Variants in TYW3 observed in about 807,000 individuals in gnomAD.
TYW3 encodes the protein tRNA-yW synthesizing protein 3 homolog, also known as tRNA wybutosine-synthesizing protein 3 homolog.
A neutral mutation model predicts 23.1 loss-of-function variants in TYW3; 26 were observed. The ratio of observed to expected loss-of-function variants is 1.13; its 90% CI spans 0.83 to 1.56. The LOEUF (loss-of-function observed/expected upper bound fraction) is 1.56, where lower values mean the gene tolerates loss of function less well. TYW3 is among the 40% of genes most tolerant of loss of function. TYW3 has a pLI of 0.00. For missense variants in TYW3, 316 were observed against 311.9 expected (o/e 1.01, Z -0.10); for synonymous variants, 102 against 105.7 (o/e 0.97, Z 0.21).
Position 74,764,315 on chromosome 1 carries a change from G to A in TYW3, c.*202G>A, listed in dbSNP as rs1388349953. 9 of 453,590 alleles carry A rather than the reference G, an allele frequency of 2.0e-5. No homozygotes were observed. The highest frequency in any genetic ancestry group is 2.7e-5 in the Non-Finnish European group (7 of 258,188). The allele number at this position is 453,590 out of a possible 1,614,324, so 28.1% of individuals were successfully genotyped here. On this transcript the variant is annotated 3_prime_UTR_variant, in exon 6 of 6. Transcript: ENST00000370867. ...CTCAGCAGTACCCGGCTTATCCTAC[G>A]ACTTCACCTGAAATGCTATAGTTAT...
At chr1:74,758,824 C>T (rs1570080122) in intron 5 of TYW3, among the ~76,000 whole-genome samples, 1 of 152,160 alleles carries the variant, frequency 6.6e-6, no homozygotes, top group East Asian at 1.9e-4. Flanking sequence ...ACTCCCCCCA[C>T]CAGCCCCCAA....
At chr1:74,744,522 T>C (rs182745528) in intron 3 of TYW3, among the ~76,000 whole-genome samples, 3 of 152,162 alleles carry the variant, frequency 2.0e-5, no homozygotes, top group African/African-American at 7.2e-5. Context: ...GCCCCCAAAT[T>C]CTAAGGAAAA....
chr1:74,751,221 C>T (rs942809805), intron 4 of TYW3: 2 of 152,132 alleles, frequency 1.3e-5, no homozygotes, highest in Admixed American at 6.5e-5. Flanking sequence ...TTCTCTTCAA[C>T]ATTTTCTTGC....
intron 3 of TYW3, among the ~76,000 whole-genome samples, chr1:74,739,413 A>G (rs1648272002): frequency 6.6e-6 from 1 of 152,240 alleles, no homozygotes; most frequent in Admixed American, 6.5e-5. Context: ...CCGAAGGAAA[A>G]AACAACCTGG....
chr1:74,739,473 A>AAAG (rs1198701455), intron 3 of TYW3, among the ~76,000 whole-genome samples: 1 of 152,252 alleles, frequency 6.6e-6, no homozygotes. Context: ...GGCTTCTCTG[A>AAAG]AAAGCTTTCT....
chr1:74,759,374 C>CTT lies in TYW3; in HGVS notation c.561-4506_561-4505dup, dbSNP rs573044759. ...CATTTTTCTTTCTTTCTTTTCTTTT[C>CTT]TTTTTTTTTTTTTTTGGTAGAGATG... On this transcript the variant is annotated intron_variant, in intron 5 of 5. Coordinates refer to ENST00000370867, the MANE Select transcript of TYW3 (RefSeq NM_138467.3). Among the ~76,000 whole-genome samples the CTT allele has an allele frequency of 2.0e-3, 270 of 135,120 alleles. 3 individuals carry two copies. Among genetic ancestry groups the CTT allele is most frequent in the African/African-American group, 6.9e-3 (255 of 37,046 alleles). 88.6% of individuals were successfully genotyped at this position (135,120 alleles called of 152,430 possible).
At chr1:74,736,666 G>A (rs1158348906) in intron 2 of TYW3, 44 bp downstream of exon 2, 3 of 1,461,866 alleles carry the variant, frequency 2.1e-6, no homozygotes, top group Non-Finnish European at 2.8e-6. Flanking sequence ...TTTAAATTCA[G>A]TTACTTTAAA....
In TYW3 at chr1:74,752,411, GA is replaced by G; in HGVS notation, c.550del (p.Arg184GlufsTer18). 6.2e-7 allele frequency: 1 copy of G among 1,613,222 alleles called. No homozygotes were observed. The highest frequency in any genetic ancestry group is 8.5e-7 in the Non-Finnish European group (1 of 1,179,614). On this transcript the variant is annotated frameshift_variant, in exon 5 of 6. Coordinates refer to ENST00000370867, the MANE Select transcript of TYW3 (RefSeq NM_138467.3). LOFTEE classifies it low-confidence loss of function (END_TRUNC). ...VANQKMEENK[K>X]RIERFYNCLQ... Reference sequence around the variant, plus strand: ...CAAATCAAAAAATGGAGGAAAACAAGAAAAGAATTGAGAGGTATATTAATTG... The same window carrying G: ...CAAATCAAAAAATGGAGGAAAACAAGAAAGAATTGAGAGGTATATTAATTG...
intron 2 of TYW3, 33 bp downstream of exon 2, chr1:74,736,655 T>C (rs756880651): frequency 7.2e-5 from 110 of 1,523,134 alleles, no homozygotes; most frequent in Admixed American, 7.0e-4. Flanking sequence ...GGAAATAAAC[T>C]TTTAAATTCA....
chr1:74,761,241 A>G (rs1379470131), intron 5 of TYW3, among the ~76,000 whole-genome samples: 1 of 152,090 alleles, frequency 6.6e-6, no homozygotes, highest in Admixed American at 6.6e-5. Context: ...GGGAAAGGAA[A>G]ACTAGTATTT....
intron 2 of TYW3, among the ~76,000 whole-genome samples, chr1:74,737,948 T>C (rs756810136): frequency 2.0e-5 from 3 of 152,162 alleles, no homozygotes; most frequent in Non-Finnish European, 4.4e-5. Context: ...TACCCCACTT[T>C]GTGCTGCAGT....
chr1:74,742,759 A>G (rs1277180808), intron 3 of TYW3, among the ~76,000 whole-genome samples: 1 of 152,168 alleles, frequency 6.6e-6, no homozygotes, highest in Non-Finnish European at 1.5e-5. Context: ...ATATTGCAGC[A>G]TGGGCATGTA....
chr1:74,741,779 A>G (rs1161410459), intron 3 of TYW3, among the ~76,000 whole-genome samples: 1 of 152,234 alleles, frequency 6.6e-6, no homozygotes, highest in African/African-American at 2.4e-5. Context: ...TTGGATTCTC[A>G]ACAAGGCCAT....
intron 5 of TYW3, among the ~76,000 whole-genome samples, chr1:74,763,528 C>T (rs1277253925): frequency 6.6e-6 from 1 of 152,004 alleles, no homozygotes; most frequent in Non-Finnish European, 1.5e-5. Context: ...GGAGTTATTT[C>T]TAGTTATGTA....
At position 74,765,756 on chromosome 1, in the gene TYW3, CTTCA is replaced by C. The variant is rs1358859403; in HGVS notation, c.*1650_*1653del. The C allele has an allele frequency of 2.6e-5, 4 of 152,098 alleles. No individual in the cohort carries two copies. The highest frequency in any genetic ancestry group is 6.6e-5 in the Admixed American group (1 of 15,236). The allele number at this position is 152,098 out of a possible 1,614,324, so 9.4% of individuals were successfully genotyped here. On this transcript the variant is annotated 3_prime_UTR_variant, in exon 6 of 6. Coordinates refer to ENST00000370867, the MANE Select transcript of TYW3 (RefSeq NM_138467.3). ...AAATCTAAGAGGCTCATTGACTTTT[CTTCA>C]TTCATTTAAATTGATCTCCAAGAAA...
intron 5 of TYW3, among the ~76,000 whole-genome samples, chr1:74,752,880 T>A (rs977588651): frequency 2.0e-5 from 3 of 152,112 alleles, no homozygotes; most frequent in African/African-American, 7.2e-5. Context: ...CTTCTCTGGC[T>A]TAGGCTAGTT....
At chr1:74,749,643 G>A (rs766183452) in intron 4 of TYW3, among the ~76,000 whole-genome samples, 1 of 152,148 alleles carries the variant, frequency 6.6e-6, no homozygotes, top group South Asian at 2.1e-4. Context: ...GATGACAAAA[G>A]AGGACACCCT....
At chr1:74,739,507 G>A (rs1158807567) in intron 3 of TYW3, among the ~76,000 whole-genome samples, 4 of 152,256 alleles carry the variant, frequency 2.6e-5, no homozygotes, top group African/African-American at 9.6e-5. Context: ...TAAAGGAACA[G>A]AAAGAGCTAG....
chr1:74,739,625 C>T (rs1003711434), intron 3 of TYW3, among the ~76,000 whole-genome samples: 4 of 152,200 alleles, frequency 2.6e-5, no homozygotes, highest in African/African-American at 7.2e-5. Context: ...GGGGCCAGGT[C>T]ATTTAAGGCT....
Sources: allele counts gnomAD v4.1 joint callset (sites outside exome capture counted in the v4.1 genomes callset), GRCh38; gene constraint gnomAD v4.1.1; transcripts MANE v1.5; gene names NCBI Gene and HGNC (gene_info 2026-07-23, HGNC 2026-07-21).